The following SVEP1 variants were observed in gnomAD, a reference collection of about 807,000 sequenced individuals.
SVEP1 encodes the protein sushi, von Willebrand factor type A, EGF and pentraxin domain containing 1.
SVEP1 carries 164 observed loss-of-function variants against 367.3 expected under a neutral mutation model. The observed-to-expected ratio is 0.45, with a 90% CI of 0.39 to 0.51. The LOEUF is 0.51. Among genes scored for constraint, SVEP1 ranks in the 20% least tolerant of loss-of-function variants. SVEP1 has a pLI of 0.00. For missense variants in SVEP1, 4,117 were observed against 4,425.3 expected (o/e 0.93, Z 1.98); for synonymous variants, 1,666 against 1,611.6 (o/e 1.03, Z -0.81).
At chr9:110,511,961 T>C (rs896841484) in intron 5 of SVEP1, among the ~76,000 whole-genome samples, 2 of 151,970 alleles carry the variant, frequency 1.3e-5, no homozygotes, top group African/African-American at 4.8e-5. Flanking sequence ...GTGGTGGGAG[T>C]AAAGTTGCCA....
At chr9:110,492,061 C>A (rs1404164743) in intron 8 of SVEP1, among the ~76,000 whole-genome samples, 2 of 151,872 alleles carry the variant, frequency 1.3e-5, no homozygotes, top group Admixed American at 6.6e-5. Flanking sequence ...TCATTAAATG[C>A]TAGTCTGGAA....
At chr9:110,502,792 T>C (rs1829555865) in intron 6 of SVEP1, among the ~76,000 whole-genome samples, 1 of 152,146 alleles carries the variant, frequency 6.6e-6, no homozygotes, top group Admixed American at 6.5e-5. Context: ...AAAAAAGGCA[T>C]GGTCATTTGA....
Position 110,432,502 on chromosome 9 carries a change from T to C in SVEP1, c.5193A>G (p.Thr1731=). 2 of 1,613,678 alleles carry C rather than the reference T, an allele frequency of 1.2e-6. No individual in the cohort carries two copies. Among genetic ancestry groups the C allele is most frequent in the Non-Finnish European group, 1.7e-6 (2 of 1,179,756 alleles). The change falls in exon 31 of 48, where the codon ACA becomes ACG. Residue 1731 remains threonine, a synonymous_variant. Transcript: ENST00000374469. ...YLLGDSRMFC[T]DNGSWNGVSP... Reference sequence around the variant, plus strand: ...AAACGCCGTTCCAGCTCCCATTATCTGTACAGAACATCCTTGAGTCACCCA... The same window carrying C: ...AAACGCCGTTCCAGCTCCCATTATCCGTACAGAACATCCTTGAGTCACCCA...
intron 38 of SVEP1, 66 bp downstream of exon 38, chr9:110,406,094 G>C: frequency 1.3e-6 from 2 of 1,493,498 alleles, no homozygotes; most frequent in Non-Finnish European, 1.8e-6. Context: ...CAAAATTTTT[G>C]ATCGATCACA....
At chr9:110,416,903 T>A (rs10980377) in intron 36 of SVEP1, among the ~76,000 whole-genome samples, 20,172 of 152,074 alleles carry the variant, frequency 0.13, 1,717 homozygotes, top group South Asian at 0.23. Context: ...TCCTAGATTC[T>A]AACTATTAGA....
intron 3 of SVEP1, among the ~76,000 whole-genome samples, chr9:110,543,001 A>T (rs1399483137): frequency 6.7e-6 from 1 of 149,122 alleles, no homozygotes; most frequent in African/African-American, 2.4e-5. Context: ...TAAAATAAAA[A>T]AAATAAAGGG....
At chr9:110,458,179 G>A in intron 20 of SVEP1, 1 of 584,232 alleles carries the variant, frequency 1.7e-6, no homozygotes. Flanking sequence ...GATGGGTTGT[G>A]CTTGTGGTAA....
At chr9:110,377,018 G>A in intron 45 of SVEP1, 1 of 350,740 alleles carries the variant, frequency 2.9e-6, no homozygotes, top group East Asian at 4.5e-5. Context: ...TTCTCAAGAA[G>A]ACTTTTGCAA....
At chr9:110,534,966 GCTGT>G (rs747897971) in intron 3 of SVEP1, among the ~76,000 whole-genome samples, 1 of 151,920 alleles carries the variant, frequency 6.6e-6, no homozygotes, top group Non-Finnish European at 1.5e-5. Context: ...CATTCTGTAG[GCTGT>G]CTGTTTAGTC....
At chr9:110,528,156 G>GTGTGTGTGTCTATATA in intron 3 of SVEP1, among the ~76,000 whole-genome samples, 1 of 33,940 alleles carries the variant, frequency 2.9e-5, no homozygotes, top group Non-Finnish European at 5.7e-5. Flanking sequence ...GTGTGTGTGT[G>GTGTGTGTGTCTATATA]TATATATATA....
In SVEP1 at chr9:110,383,756, C is replaced by A. The variant is rs545947661; in HGVS notation, c.10237+2142G>T. On this transcript the variant is annotated intron_variant, in intron 43 of 47. Transcript: ENST00000374469. ...CCATGGCCACATGGAGCCCCAGGGG[C>A]TCCATCTCAGGGAGATCAGAGGTCT... Among the ~76,000 whole-genome samples, 14 of 152,246 alleles carry A rather than the reference C, an allele frequency of 9.2e-5. 1 individual carries two copies. The South Asian group carries it at 2.7e-3, about 29-fold the overall frequency.
chr9:110,525,764 AT>A lies in SVEP1; in HGVS notation c.965-11659del, dbSNP rs111554528. The stretch of plus-strand genomic sequence containing the variant: ...AGAGCTACACTAATGTGCCTGGCTG[AT>A]TTTTTTTTTTTACTTTTTTAAAAAA... On this transcript the variant is annotated intron_variant, in intron 3 of 47. Coordinates refer to ENST00000374469, the MANE Select transcript of SVEP1 (RefSeq NM_153366.4). Among the ~76,000 whole-genome samples the A allele has an allele frequency of 1.0e-2, 1,467 of 147,400 alleles. 23 individuals are homozygous for A. The highest frequency in any genetic ancestry group is 0.032 in the African/African-American group (1,310 of 40,374).
chr9:110,550,238 G>T, intron 1 of SVEP1, 134 bp from the exon 2 acceptor site: 2 of 1,195,656 alleles, frequency 1.7e-6, no homozygotes, highest in Non-Finnish European at 2.4e-6. Flanking sequence ...CCTAGTCAGA[G>T]TAAAACAGAA....
chr9:110,447,281 T>C (rs148203925), intron 24 of SVEP1, among the ~76,000 whole-genome samples: 101 of 152,364 alleles, frequency 6.6e-4, no homozygotes, highest in African/African-American at 2.3e-3. Flanking sequence ...TAGAAAGTAG[T>C]TCTGGTACAG....
intron 36 of SVEP1, among the ~76,000 whole-genome samples, chr9:110,413,083 C>T (rs1564136044): frequency 1.3e-5 from 2 of 149,794 alleles, no homozygotes; most frequent in Admixed American, 6.7e-5. Context: ...TATAAAGACA[C>T]ATGCACACGT....
Position 110,411,459 on chromosome 9 carries a change from T to C in SVEP1, c.6252A>G (p.Glu2084=), listed in dbSNP as rs773485012. ...TGCTATAGGAAACCGATGGAGGTTT[T>C]TCACAGAAATGAGCTATACAACGGG... The part of the protein sequence containing the change: ...DMPRCIAHFC[E]KPPSVSYSIL... The change falls in exon 37 of 48, where the codon GAA becomes GAG. Residue 2084 remains glutamate, a synonymous_variant. Transcript: ENST00000374469. 6.2e-7 allele frequency: 1 copy of C among 1,614,058 alleles called. No individual in the cohort carries two copies. Among genetic ancestry groups the C allele is most frequent in the East Asian group, 2.2e-5 (1 of 44,890 alleles).
At position 110,389,524 on chromosome 9, in the gene SVEP1, C is replaced by T. The variant is rs1378678461; in HGVS notation, c.9886G>A (p.Glu3296Lys). ...QWSGGVAICK[E>K]TRCETPLEFL... ...GGCTGCTAAGTGTCATTCAACTCAC[C>T]TTTGCATATTGCCACCCCTCCACTC... Residue 3296 changes from glutamate to lysine, a missense_variant and splice_region_variant, in exon 41 of 48, where the codon GAG (glutamate) becomes AAG (lysine). Around this residue, in one of 4 missense-constraint regions of SVEP1, gnomAD observed 1,765 missense variants for 1,781.1 expected, o/e 0.99. Transcript: ENST00000374469. The T allele has an allele frequency of 6.2e-7, 1 of 1,613,630 alleles. No homozygotes were observed.
At position 110,406,589 on chromosome 9, in the gene SVEP1, G is replaced by A. The variant is rs180893147; in HGVS notation, c.9011C>T (p.Pro3004Leu). Residue 3004 changes from proline (P) to leucine (L), a missense_variant, in exon 38 of 48, where the codon CCT becomes CTT. Coordinates refer to ENST00000374469, the MANE Select transcript of SVEP1 (RefSeq NM_153366.4). ...AATTACTGGTGTGGAACATCTGCAA[G>A]GCAGGCAGGAAGGTGAGCTGCCACT... ...SWSGSSPSCL[P>L]CRCSTPVIEY... is the part of the protein sequence containing the mutation. The A allele has an allele frequency of 4.3e-6, 7 of 1,613,824 alleles. No individual in the cohort carries two copies. Among genetic ancestry groups the A allele is most frequent in the African/African-American group, 2.7e-5 (2 of 75,054 alleles).
intron 36 of SVEP1, among the ~76,000 whole-genome samples, chr9:110,413,792 T>C (rs1828079380): frequency 1.3e-5 from 2 of 152,040 alleles, no homozygotes; most frequent in South Asian, 2.1e-4. Flanking sequence ...ACTGATCTCT[T>C]ACTGAACAGA....
Sources: gnomAD v4.1 joint callset for allele counts (sites outside exome capture counted in the v4.1 genomes callset) on GRCh38, gnomAD v4.1.1 for gene constraint, gnomAD v4.1.1 regional missense constraint, MANE v1.5 for transcripts, NCBI Gene and HGNC (gene_info 2026-07-23, HGNC 2026-07-21) for gene names.